Variants in ARK2C observed in about 807,000 individuals in gnomAD.
ARK2C encodes the protein E3 ubiquitin-protein ligase ARK2C.
the ARK2C span, among the ~76,000 whole-genome samples, chr18:46,421,458 G>T: frequency 5.3e-5 from 8 of 152,218 alleles, no homozygotes; most frequent in Admixed American, 5.2e-4. Context: ...GAATGAGACA[G>T]ACCTAGGCTC....
the ARK2C span, among the ~76,000 whole-genome samples, chr18:46,344,100 G>A: frequency 2.0e-5 from 3 of 152,226 alleles, no homozygotes; most frequent in Non-Finnish European, 4.4e-5. Context: ...CACCCACGTT[G>A]GCCTCCCCTG....
chr18:46,367,494 TG>T, the ARK2C span, among the ~76,000 whole-genome samples: 1 of 152,138 alleles, frequency 6.6e-6, no homozygotes, highest in African/African-American at 2.4e-5. Flanking sequence ...AGCCTTGCAT[TG>T]ACATTCTTTG....
the ARK2C span, among the ~76,000 whole-genome samples, chr18:46,388,518 T>C: frequency 6.6e-6 from 1 of 152,062 alleles, no homozygotes; most frequent in Non-Finnish European, 1.5e-5. Context: ...CACACAACTC[T>C]GTTTTTGTGG....
the ARK2C span, among the ~76,000 whole-genome samples, chr18:46,421,645 G>A: frequency 1.3e-5 from 2 of 152,194 alleles, no homozygotes. Flanking sequence ...TTCTGTAATT[G>A]TATCCTGTCT....
chr18:46,388,549 G>A, the ARK2C span, among the ~76,000 whole-genome samples: 4 of 152,238 alleles, frequency 2.6e-5, no homozygotes, highest in South Asian at 8.3e-4. Flanking sequence ...CCATGATCAA[G>A]GGCGCAGGAA....
chr18:46,414,989 C>T, the ARK2C span, among the ~76,000 whole-genome samples: 2 of 152,166 alleles, frequency 1.3e-5, no homozygotes, highest in Admixed American at 6.5e-5. Context: ...ATTCTCAGCT[C>T]ATGGACACTC....
chr18:46,373,023 A>T, the ARK2C span, among the ~76,000 whole-genome samples: 1 of 151,914 alleles, frequency 6.6e-6, no homozygotes, highest in African/African-American at 2.4e-5. Flanking sequence ...TGCATGTGCG[A>T]GTGTGTGTGT....
the ARK2C span, among the ~76,000 whole-genome samples, chr18:46,448,702 G>A: frequency 6.6e-6 from 1 of 152,182 alleles, no homozygotes; most frequent in African/African-American, 2.4e-5. Context: ...CAGAGGGCAG[G>A]CCTTCTTGTG....
At chr18:46,400,068 T>G in the ARK2C span, among the ~76,000 whole-genome samples, 1 of 152,244 alleles carries the variant, frequency 6.6e-6, no homozygotes, top group Non-Finnish European at 1.5e-5. Flanking sequence ...CCTGGAGCAC[T>G]GGGACCCCCA....
the ARK2C span, among the ~76,000 whole-genome samples, chr18:46,389,838 C>T: frequency 1.3e-5 from 2 of 152,164 alleles, no homozygotes; most frequent in Non-Finnish European, 2.9e-5. Context: ...AGCTGATCCT[C>T]CCACCTCAGC....
the ARK2C span, among the ~76,000 whole-genome samples, chr18:46,429,708 T>C: frequency 1.3e-5 from 2 of 152,214 alleles, no homozygotes; most frequent in African/African-American, 4.8e-5. Flanking sequence ...TTTTTACAAA[T>C]TCTTACCAAA....
the ARK2C span, among the ~76,000 whole-genome samples, chr18:46,360,769 A>C: frequency 6.6e-6 from 1 of 152,122 alleles, no homozygotes; most frequent in Non-Finnish European, 1.5e-5. Context: ...TGGGCACACG[A>C]GGCGGGTATG....
chr18:46,375,126 C>T, the ARK2C span, among the ~76,000 whole-genome samples: 4 of 152,224 alleles, frequency 2.6e-5, no homozygotes, highest in African/African-American at 9.6e-5. Context: ...TGAGTCTCTT[C>T]TGGCACCCTC....
the ARK2C span, among the ~76,000 whole-genome samples, chr18:46,438,009 G>GT: frequency 6.6e-6 from 1 of 152,220 alleles, no homozygotes; most frequent in Admixed American, 6.5e-5. Context: ...GCTGGCACTC[G>GT]TAGGGCCAGA....
chr18:46,344,378 C>T, the ARK2C span, among the ~76,000 whole-genome samples: 1 of 139,932 alleles, frequency 7.1e-6, no homozygotes, highest in Non-Finnish European at 1.5e-5. Flanking sequence ...CCCCAGCTAG[C>T]TTGCTTAGCT....
chr18:46,442,149 C>T, the ARK2C span, among the ~76,000 whole-genome samples: 6 of 133,002 alleles, frequency 4.5e-5, no homozygotes, highest in Non-Finnish European at 7.9e-5. Context: ...GGCGACAGAG[C>T]GAAACTCCGT....
chr18:46,450,383 G>A, the ARK2C span: 67 of 1,611,740 alleles, frequency 4.2e-5, no homozygotes, highest in East Asian at 2.5e-4. Context: ...CACCTCCGCC[G>A]TACGGGAGAG....
the ARK2C span, among the ~76,000 whole-genome samples, chr18:46,413,108 CA>C: frequency 2.0e-5 from 3 of 152,120 alleles, no homozygotes; most frequent in African/African-American, 7.2e-5. Flanking sequence ...CTTTGGGTGA[CA>C]GATCTTGAAC....
At chr18:46,369,392 G>T in the ARK2C span, among the ~76,000 whole-genome samples, 2 of 152,058 alleles carry the variant, frequency 1.3e-5, no homozygotes, top group Admixed American at 6.6e-5. Context: ...GGGGTGGCAG[G>T]GGGGTGGGAG....
Sources: gnomAD v4.1 joint callset for allele counts (sites outside exome capture counted in the v4.1 genomes callset) on GRCh38, gnomAD v4.1.1 for gene constraint, MANE v1.5 for transcripts, NCBI Gene and HGNC (gene_info 2026-07-23, HGNC 2026-07-21) for gene names.